HEATR5A: variants seen among roughly 807,000 people sequenced by gnomAD.
The protein encoded by HEATR5A is HEAT repeat-containing protein 5A.
In HEATR5A, 178 loss-of-function variants were observed where a neutral mutation model predicts 218.8. The observed-to-expected ratio is 0.81, with a 90% confidence interval of 0.72 to 0.92. HEATR5A has a LOEUF of 0.92. Ranked by LOEUF, HEATR5A falls within the 40% of genes least tolerant of loss-of-function variation. The probability of loss-of-function intolerance (pLI) is 0.00; values close to 1 mark genes in which losing one functional copy is unlikely to be tolerated. For synonymous variants in HEATR5A, 864 were observed against 871.6 expected (o/e 0.99, Z 0.15); for missense variants, 2,420 against 2,418.9 (o/e 1.00, Z -0.01).
chr14:31,402,008 TTTTG>T (rs963011165), intron 2 of HEATR5A, among the ~76,000 whole-genome samples: 5 of 151,760 alleles, frequency 3.3e-5, no homozygotes, highest in African/African-American at 7.3e-5. Flanking sequence ...GAATTTTGTC[TTTTG>T]TTTTTTTTTC....
chr14:31,395,517 A>G (rs978505602), intron 4 of HEATR5A, among the ~76,000 whole-genome samples, 169 bp from the exon 5 acceptor site: 3 of 152,246 alleles, frequency 2.0e-5, no homozygotes, highest in Admixed American at 1.3e-4. Flanking sequence ...ATATTATTTG[A>G]AAAGTTACTT....
chr14:31,346,141 T>A (rs1469226549), intron 19 of HEATR5A, among the ~76,000 whole-genome samples: 1 of 152,188 alleles, frequency 6.6e-6, no homozygotes, highest in Non-Finnish European at 1.5e-5. Context: ...TACAGTACTT[T>A]AAATGCTGCA....
intron 24 of HEATR5A, among the ~76,000 whole-genome samples, chr14:31,322,090 T>C (rs890681747): frequency 6.6e-6 from 1 of 152,212 alleles, no homozygotes; most frequent in Non-Finnish European, 1.5e-5. Context: ...AAAAAAAAGT[T>C]TTATGCGGCT....
At position 31,402,988 on chromosome 14, in the gene HEATR5A, T is replaced by C; in HGVS notation, c.-13A>G. The C allele has an allele frequency of 6.5e-7, 1 of 1,534,040 alleles. No homozygotes were observed. The highest frequency in any genetic ancestry group is 8.7e-7 in the Non-Finnish European group (1 of 1,145,640). On this transcript the variant is annotated 5_prime_UTR_variant, in exon 2 of 36. Coordinates refer to ENST00000543095, the MANE Select transcript of HEATR5A (RefSeq NM_015473.4). ...GAGCTAATTCCATTCCTTGCAGCAA[T>C]CCTCCCAGCTGATCACAGTTCTTCT...
chr14:31,420,524 G>C lies in HEATR5A; in HGVS notation c.-127C>G, dbSNP rs2031614611. The C allele has an allele frequency of 6.6e-6, 1 of 152,428 alleles. No individual in the cohort carries two copies. Among genetic ancestry groups the C allele is most frequent in the African/African-American group, 2.4e-5 (1 of 41,472 alleles). 9.4% of individuals were successfully genotyped at this position (152,428 alleles called of 1,614,324 possible). A position where few individuals can be genotyped will look rare whatever the true frequency, so the allele number is the denominator to read the frequency against. On this transcript the variant is annotated 5_prime_UTR_variant, in exon 1 of 36. Coordinates refer to ENST00000543095, the MANE Select transcript of HEATR5A (RefSeq NM_015473.4). Reference sequence around the variant, plus strand: ...GCGTCCCGGTCCAGCAACGTTACCGGCTGCTCTGCTAACCCTAGCAGAGTC... The same window carrying C: ...GCGTCCCGGTCCAGCAACGTTACCGCCTGCTCTGCTAACCCTAGCAGAGTC...
chr14:31,318,864 T>C (rs935328511), intron 25 of HEATR5A, among the ~76,000 whole-genome samples: 7 of 152,224 alleles, frequency 4.6e-5, no homozygotes, highest in Non-Finnish European at 8.8e-5. Context: ...GCTGGGATAA[T>C]GAAGGCTCTC....
At chr14:31,341,385 G>A (rs1286763388) in intron 21 of HEATR5A, among the ~76,000 whole-genome samples, 1 of 151,412 alleles carries the variant, frequency 6.6e-6, no homozygotes, top group Non-Finnish European at 1.5e-5. Context: ...TAATAAGTTT[G>A]ATCAGATTTT....
chr14:31,337,967 G>A (rs1248798851), intron 21 of HEATR5A, among the ~76,000 whole-genome samples: 1 of 152,144 alleles, frequency 6.6e-6, no homozygotes, highest in African/African-American at 2.4e-5. Context: ...TTGTGTTCAT[G>A]CAACTATATT....
intron 13 of HEATR5A, among the ~76,000 whole-genome samples, chr14:31,370,327 G>A (rs1289175180): frequency 6.6e-6 from 1 of 152,066 alleles, no homozygotes; most frequent in African/African-American, 2.4e-5. Flanking sequence ...TATAGCATGG[G>A]GAAGGGAAAT....
intron 1 of HEATR5A, among the ~76,000 whole-genome samples, chr14:31,411,562 C>A (rs2031272964): frequency 6.6e-6 from 1 of 152,126 alleles, no homozygotes; most frequent in Non-Finnish European, 1.5e-5. Context: ...AGGGGGAAAT[C>A]CAAGTTGAAA....
chr14:31,409,683 C>A (rs1000790690), intron 1 of HEATR5A, among the ~76,000 whole-genome samples: 6 of 152,086 alleles, frequency 3.9e-5, no homozygotes, highest in African/African-American at 1.4e-4. Flanking sequence ...CTCAGCAAGA[C>A]CCTGTCTCAA....
chr14:31,379,389 T>TA (rs1281657719), intron 11 of HEATR5A, among the ~76,000 whole-genome samples: 1 of 152,032 alleles, frequency 6.6e-6, no homozygotes, highest in African/African-American at 2.4e-5. Context: ...TAGCTGGGAC[T>TA]ACAGGCATGC....
chr14:31,417,874 A>G (rs1399760820), intron 1 of HEATR5A, among the ~76,000 whole-genome samples: 1 of 152,178 alleles, frequency 6.6e-6, no homozygotes, highest in African/African-American at 2.4e-5. Context: ...TATGAGTCCT[A>G]CAATTACCTG....
At position 31,304,167 on chromosome 14, in the gene HEATR5A, C is replaced by T. The variant is rs115903512; in HGVS notation, c.5239+738G>A. Among the ~76,000 whole-genome samples, 1,095 of 152,258 alleles carry T rather than the reference C, an allele frequency of 7.2e-3. 10 individuals are homozygous for T. The highest frequency in any genetic ancestry group is 0.025 in the African/African-American group (1,053 of 41,552). ...GACATTATAGTGAACTATGACTGTT[C>T]CACTGCACTCCGGCCTAGGTGACAG... On this transcript the variant is annotated intron_variant, in intron 32 of 35. Transcript: ENST00000543095.
intron 1 of HEATR5A, among the ~76,000 whole-genome samples, chr14:31,415,165 C>G (rs545933823): frequency 6.6e-6 from 1 of 152,266 alleles, no homozygotes; most frequent in South Asian, 2.1e-4. Context: ...CACAACCTAC[C>G]TCATAAAATT....
chr14:31,332,814 C>T (rs563247213), intron 22 of HEATR5A, among the ~76,000 whole-genome samples: 221 of 152,060 alleles, frequency 1.5e-3, no homozygotes, highest in Non-Finnish European at 2.8e-3. Flanking sequence ...GATGAAACCC[C>T]GTCTCTGCCA....
intron 5 of HEATR5A, among the ~76,000 whole-genome samples, chr14:31,394,687 A>G (rs953670221): frequency 4.6e-5 from 7 of 152,052 alleles, no homozygotes; most frequent in Non-Finnish European, 8.8e-5. Flanking sequence ...GCATGGTGGC[A>G]GGCACCTGTA....
intron 6 of HEATR5A, among the ~76,000 whole-genome samples, chr14:31,390,217 G>T (rs982883619): frequency 2.0e-5 from 3 of 152,112 alleles, no homozygotes; most frequent in African/African-American, 7.2e-5. Context: ...CAGAGTGTAA[G>T]GATGGTAAGA....
At chr14:31,305,326 G>A in intron 31 of HEATR5A, 149 bp from the exon 32 acceptor site, 1 of 780,788 alleles carries the variant, frequency 1.3e-6, no homozygotes, top group Non-Finnish European at 2.0e-6. Flanking sequence ...GCAATGGCAT[G>A]ATCTCGGCTC....
Sources: gnomAD v4.1 joint callset for allele counts (sites outside exome capture counted in the v4.1 genomes callset) on GRCh38, gnomAD v4.1.1 for gene constraint, MANE v1.5 for transcripts, NCBI Gene and HGNC (gene_info 2026-07-23, HGNC 2026-07-21) for gene names.